The following ARHGAP28 variants were observed in gnomAD, a reference collection of about 807,000 sequenced individuals.
ARHGAP28 encodes Rho GTPase activating protein 28.
In ARHGAP28, 56 loss-of-function variants were observed where a neutral mutation model predicts 90.7. The observed-to-expected ratio is 0.62, with a 90% confidence interval of 0.50 to 0.77. The LOEUF is 0.77. ARHGAP28 is among the 30% of genes least tolerant of loss of function. The pLI, the probability that ARHGAP28 is intolerant of heterozygous loss-of-function variation, is 0.00. For synonymous variants in ARHGAP28, 308 were observed against 323.3 expected (o/e 0.95, Z 0.51); for missense variants, 869 against 900.9 (o/e 0.96, Z 0.45).
intron 1 of ARHGAP28, among the ~76,000 whole-genome samples, chr18:6,743,881 C>T (rs146086075): frequency 1.3e-5 from 2 of 152,208 alleles, no homozygotes; most frequent in East Asian, 3.9e-4. Context: ...AATAGCTGGT[C>T]CTTAAGTGAG....
At chr18:6,778,338 T>C (rs1227312596) in intron 1 of ARHGAP28, among the ~76,000 whole-genome samples, 1 of 152,194 alleles carries the variant, frequency 6.6e-6, no homozygotes, top group Non-Finnish European at 1.5e-5. Context: ...GCCTCCTATA[T>C]CCTAAAAATG....
At chr18:6,875,984 G>A (rs2057128133) in intron 9 of ARHGAP28, 147 bp from the exon 10 acceptor site, 1 of 632,756 alleles carries the variant, frequency 1.6e-6, no homozygotes, top group Admixed American at 2.8e-5. Flanking sequence ...GTCATAGGAT[G>A]GTTATGAACA....
chr18:6,868,224 T>C lies in ARHGAP28; in HGVS notation c.801T>C (p.Asn267=). Reference sequence around the variant, plus strand: ...CGGAGCCTGGACAGCCAGTTCAGAATGCGATAAGTGGTGAGCGGCATGCCT... The same window carrying C: ...CGGAGCCTGGACAGCCAGTTCAGAACGCGATAAGTGGTGAGCGGCATGCCT... ...GSPEPGQPVQ[N]AISDDDFLEK... Residue 267 remains asparagine, a synonymous_variant, in exon 6 of 18, where the codon AAT becomes AAC. Coordinates refer to ENST00000383472, the MANE Select transcript of ARHGAP28 (RefSeq NM_001366230.1). 6.2e-7 allele frequency: 1 copy of C among 1,614,120 alleles called. No homozygotes were observed. The highest frequency in any genetic ancestry group is 8.5e-7 in the Non-Finnish European group (1 of 1,179,962).
intron 2 of ARHGAP28, among the ~76,000 whole-genome samples, chr18:6,827,126 T>A (rs1393335177): frequency 6.6e-6 from 1 of 152,222 alleles, no homozygotes; most frequent in African/African-American, 2.4e-5. Context: ...TTTCTCAGTC[T>A]CTTCCCCACC....
chr18:6,850,586 T>A (rs2056902299), intron 3 of ARHGAP28, among the ~76,000 whole-genome samples: 1 of 152,218 alleles, frequency 6.6e-6, no homozygotes, highest in Non-Finnish European at 1.5e-5. Flanking sequence ...ATGCACCATG[T>A]CCATGCTTCT....
intron 3 of ARHGAP28, among the ~76,000 whole-genome samples, chr18:6,846,739 A>G (rs8091436): frequency 0.16 from 24,787 of 152,026 alleles, 3,283 homozygotes; most frequent in East Asian, 0.59. Flanking sequence ...AGCCTTTCCA[A>G]AAAATGGGTT....
Position 6,868,165 on chromosome 18 carries a change from A to G in ARHGAP28, c.742A>G (p.Ile248Val). The change falls in exon 6 of 18, where the codon ATT (isoleucine) becomes GTT (valine). Residue 248 changes from isoleucine (I) to valine (V), a missense_variant. Physicochemically the swap from Ile to Val is conservative, Grantham distance 29. Transcript: ENST00000383472. ...RSDSVAILET[I>V]PVLPVHSNGS... ...TGCTTGGCAGGCTATACTTGAGACCATTCCAGTTCTACCAGTTCATTCCAA... is the reference window on the plus strand; with the variant it reads ...TGCTTGGCAGGCTATACTTGAGACCGTTCCAGTTCTACCAGTTCATTCCAA... The G allele has an allele frequency of 3.1e-6, 5 of 1,614,114 alleles. No individual in the cohort carries two copies. The highest frequency in any genetic ancestry group is 1.1e-5 in the South Asian group (1 of 91,076).
At chr18:6,776,202 A>G (rs1418221985) in intron 1 of ARHGAP28, among the ~76,000 whole-genome samples, 2 of 152,142 alleles carry the variant, frequency 1.3e-5, no homozygotes, top group African/African-American at 2.4e-5. Flanking sequence ...CCTTTCTATG[A>G]TAAGTGGAAT....
chr18:6,752,542 G>C (rs1354677918), intron 1 of ARHGAP28, among the ~76,000 whole-genome samples: 2 of 152,158 alleles, frequency 1.3e-5, no homozygotes, highest in Non-Finnish European at 1.5e-5. Context: ...GAGATCATTT[G>C]TGTCTTCAGT....
chr18:6,729,760 G>A lies in ARHGAP28; in HGVS notation c.-62G>A. 7.7e-7 allele frequency: 1 copy of A among 1,293,658 alleles called. No individual in the cohort carries two copies. 80.1% of individuals were successfully genotyped at this position (1,293,658 alleles called of 1,614,324 possible). ...CCAGCTGCTGACAGCCTCCCGGCGC[G>A]CCGGTCCATGCTGGTCCCGGTCTTT... On this transcript the variant is annotated 5_prime_UTR_variant, in exon 1 of 18. Transcript: ENST00000383472.
At chr18:6,886,112 C>T (rs555816460) in intron 11 of ARHGAP28, among the ~76,000 whole-genome samples, 52 of 152,276 alleles carry the variant, frequency 3.4e-4, no homozygotes, top group Non-Finnish European at 6.2e-4. Flanking sequence ...TGAACTCTAG[C>T]ACGCACAGCT....
intron 1 of ARHGAP28, chr18:6,789,793 A>C (rs2056392745): frequency 6.6e-6 from 1 of 151,966 alleles, no homozygotes; most frequent in Non-Finnish European, 1.5e-5. Flanking sequence ...ATAGATGCAA[A>C]ATTAAAATAT....
At chr18:6,750,804 T>C (rs745474128) in intron 1 of ARHGAP28, among the ~76,000 whole-genome samples, 2 of 152,152 alleles carry the variant, frequency 1.3e-5, no homozygotes, top group Non-Finnish European at 2.9e-5. Context: ...ACACATGAAT[T>C]TGGGGATTAA....
intron 1 of ARHGAP28, among the ~76,000 whole-genome samples, chr18:6,786,736 A>T (rs1333015123): frequency 6.6e-6 from 1 of 152,094 alleles, no homozygotes; most frequent in East Asian, 1.9e-4. Context: ...TTTTAAAACT[A>T]TTTGCTATGG....
chr18:6,898,464 T>C lies in ARHGAP28; in HGVS notation c.2030+1838T>C, dbSNP rs997887934. 6 of 1,613,274 alleles carry C rather than the reference T, an allele frequency of 3.7e-6. No individual in the cohort carries two copies. In the Admixed American group the frequency reaches 5.0e-5, roughly 13 times the overall value. On this transcript the variant is annotated intron_variant, in intron 16 of 17. Coordinates refer to ENST00000383472, the MANE Select transcript of ARHGAP28 (RefSeq NM_001366230.1). ...ACTGCACTGGCAGCGAGCTGCACTT[T>C]CCTTCCTAAATGGAAAATGGGTTAA...
chr18:6,882,598 T>C (rs913094484), intron 11 of ARHGAP28, among the ~76,000 whole-genome samples: 2 of 152,194 alleles, frequency 1.3e-5, no homozygotes, highest in African/African-American at 4.8e-5. Context: ...TGAGCCTCAG[T>C]TACTACATCT....
intron 16 of ARHGAP28, among the ~76,000 whole-genome samples, chr18:6,906,310 C>T (rs1600309640): frequency 6.6e-6 from 1 of 152,160 alleles, no homozygotes; most frequent in East Asian, 1.9e-4. Flanking sequence ...TATGTTTTAA[C>T]CATTTCAAAG....
rs754956870 is a variant in ARHGAP28 at position 6,898,563 on chromosome 18, A to G, written c.2030+1937A>G. On this transcript the variant is annotated intron_variant, in intron 16 of 17. Transcript: ENST00000383472. ...ATTCCTCTTCACTATTGGCCTGGAC[A>G]TCTCCACATAGGCAGTCATATAGAG... 3.7e-6 allele frequency: 6 copies of G among 1,612,852 alleles called. No individual in the cohort carries two copies. The South Asian group carries it at 4.4e-5, about 12-fold the overall frequency.
chr18:6,795,239 C>A (rs2056433533), intron 1 of ARHGAP28, among the ~76,000 whole-genome samples: 1 of 152,102 alleles, frequency 6.6e-6, no homozygotes, highest in Non-Finnish European at 1.5e-5. Context: ...ATTGATTCTC[C>A]TATTCTTTCT....
Sources: allele counts gnomAD v4.1 joint callset (sites outside exome capture counted in the v4.1 genomes callset), GRCh38; gene constraint gnomAD v4.1.1; transcripts MANE v1.5; gene names NCBI Gene and HGNC (gene_info 2026-07-23, HGNC 2026-07-21).